PCDHA8: variants seen among roughly 807,000 people sequenced by gnomAD.
PCDHA8 encodes protocadherin alpha-8.
A neutral mutation model predicts 61.8 loss-of-function variants in PCDHA8; 53 were observed. The observed-to-expected ratio is 0.86, with a 90% confidence interval of 0.69 to 1.08. The LOEUF (loss-of-function observed/expected upper bound fraction) is 1.08. PCDHA8 is among the 50% of genes least tolerant of loss of function. The pLI is 0.00. For missense variants in PCDHA8, 1,293 were observed against 1,245.0 expected (o/e 1.04, Z -0.58); for synonymous variants, 618 against 556.6 (o/e 1.11, Z -1.55).
chr5:140,982,373 T>C, intron 2 of PCDHA8, 102 bp from the exon 3 acceptor site: 1 of 1,559,640 alleles, frequency 6.4e-7, no homozygotes, highest in Non-Finnish European at 8.7e-7. Context: ...ATGTGTTAGC[T>C]GCAGCCCTGG....
In PCDHA8 at chr5:140,843,272, G is replaced by T; in HGVS notation, c.1951G>T (p.Val651Leu). ...DSPRHRLLVL[V>L]KDHGEPALTA... ...TCCGCGCCACCGTCTGCTGGTCCTG[G>T]TGAAGGATCATGGTGAACCTGCGCT... is the stretch of plus-strand genomic sequence containing the variant. The change falls in exon 1 of 4, where the codon GTG becomes TTG. Residue 651 changes from valine to leucine, a missense_variant. Val to Leu is a conservative substitution (Grantham distance 32). Coordinates refer to ENST00000531613, the MANE Select transcript of PCDHA8 (RefSeq NM_018911.3). 1 of 1,596,120 alleles carries T rather than the reference G, an allele frequency of 6.3e-7. No individual in the cohort carries two copies. The highest frequency in any genetic ancestry group is 8.6e-7 in the Non-Finnish European group (1 of 1,165,606).
chr5:140,964,139 A>G (rs1396740282), intron 1 of PCDHA8, among the ~76,000 whole-genome samples: 1 of 152,242 alleles, frequency 6.6e-6, no homozygotes, highest in Non-Finnish European at 1.5e-5. Flanking sequence ...TAAGGTTGGC[A>G]GGAGCCTCAG....
At chr5:140,994,065 T>A (rs1563596985) in intron 3 of PCDHA8, among the ~76,000 whole-genome samples, 1 of 152,092 alleles carries the variant, frequency 6.6e-6, no homozygotes, top group Non-Finnish European at 1.5e-5. Context: ...ATAAATCTAA[T>A]GGTGAAGGGA....
At chr5:140,927,072 C>A in intron 1 of PCDHA8, 2 of 1,610,790 alleles carry the variant, frequency 1.2e-6, no homozygotes, top group Non-Finnish European at 1.7e-6. Flanking sequence ...TCCTTTCCAG[C>A]CACCGCGAGC....
chr5:140,993,256 A>C lies in PCDHA8; in HGVS notation c.2542+10693A>C, dbSNP rs1419636248. Among the ~76,000 whole-genome samples, 3 of 152,148 alleles carry C rather than the reference A, an allele frequency of 2.0e-5. No homozygotes were observed. In the East Asian group the frequency reaches 5.8e-4, roughly 29 times the overall value. On this transcript the variant is annotated intron_variant, in intron 3 of 3. Coordinates refer to ENST00000531613, the MANE Select transcript of PCDHA8 (RefSeq NM_018911.3). The stretch of plus-strand genomic sequence containing the variant: ...CTGAATCTGGGGATTTAGATATATA[A>C]ATTAGCTTCTTTGGTCTTTTCTTGC...
In PCDHA8 at chr5:140,862,815, G is replaced by C. The variant is rs781964079; in HGVS notation, c.2394+19100G>C. 7 of 574,804 alleles carry C rather than the reference G, an allele frequency of 1.2e-5. No individual in the cohort carries two copies. The African/African-American group carries it at 1.3e-4, about 11-fold the overall frequency. The allele number at this position is 574,804 out of a possible 1,614,324, so 35.6% of individuals were successfully genotyped here. A position where few individuals can be genotyped will look rare whatever the true frequency, so the allele number is the denominator to read the frequency against. ...AGGAGCTGGAGCTGCTGCAGTTCTA[G>C]GTGAGAGCGCGCGACGCGGGCATGC... is the stretch of plus-strand genomic sequence containing the variant. On this transcript the variant is annotated intron_variant, in intron 1 of 3. Coordinates refer to ENST00000531613, the MANE Select transcript of PCDHA8 (RefSeq NM_018911.3).
intron 1 of PCDHA8, among the ~76,000 whole-genome samples, chr5:140,963,754 T>C (rs190216638): frequency 2.3e-4 from 35 of 152,374 alleles, no homozygotes; most frequent in Admixed American, 7.2e-4. Flanking sequence ...TGATAATAAA[T>C]TGTTGTATTT....
intron 1 of PCDHA8, among the ~76,000 whole-genome samples, chr5:140,951,224 A>G (rs539647356): frequency 3.2e-4 from 49 of 151,938 alleles, no homozygotes; most frequent in Non-Finnish European, 6.9e-4. Context: ...TGGATTCTTG[A>G]TGGTCTTTAC....
chr5:140,871,223 C>G (rs1009797322), intron 1 of PCDHA8: 6 of 1,613,892 alleles, frequency 3.7e-6, no homozygotes, highest in Non-Finnish European at 3.4e-6. Context: ...TGCGTGGTGT[C>G]CAGCCTCCTG....
intron 1 of PCDHA8, chr5:140,883,975 G>A (rs1167945773): frequency 1.2e-6 from 2 of 1,612,842 alleles, no homozygotes; most frequent in African/African-American, 2.7e-5. Flanking sequence ...TGACGCCCGG[G>A]GCTGGCAGCG....
intron 1 of PCDHA8, chr5:140,927,596 G>A (rs374002981): frequency 2.5e-6 from 4 of 1,614,044 alleles, no homozygotes; most frequent in African/African-American, 2.7e-5. Context: ...GTATTTGAGC[G>A]CTCCGTATAC....
intron 1 of PCDHA8, chr5:140,865,199 T>C (rs776546973): frequency 1.2e-4 from 18 of 152,246 alleles, no homozygotes; most frequent in Admixed American, 9.2e-4. Context: ...ACCATATTAA[T>C]GTGAATTGCT....
Position 140,843,364 on chromosome 5 carries a change from G to A in PCDHA8, c.2043G>A (p.Arg681=). 3.1e-6 allele frequency: 5 copies of A among 1,596,132 alleles called. No individual in the cohort carries two copies. The highest frequency in any genetic ancestry group is 4.3e-6 in the Non-Finnish European group (5 of 1,165,608). Residue 681 remains arginine (R), a synonymous_variant, in exon 1 of 4, where the codon AGG becomes AGA. Transcript: ENST00000531613. ...ESGQAPKASS[R]QSAGVLGPEA... ...GCCAGGCTCCAAAAGCGTCATCGAG[G>A]CAGTCGGCTGGCGTTTTGGGTCCGG...
Position 140,851,725 on chromosome 5 carries a change from G to A in PCDHA8, c.2394+8010G>A. On this transcript the variant is annotated intron_variant, in intron 1 of 3. Coordinates refer to ENST00000531613, the MANE Select transcript of PCDHA8 (RefSeq NM_018911.3). The stretch of plus-strand genomic sequence containing the variant: ...GCCATGTGAAGATTCGAAACTTCGA[G>A]TTCTTTTGAAATTCAGAGTCTGTAA... 2.1e-6 allele frequency: 2 copies of A among 968,614 alleles called. 1 individual carries two copies. The highest frequency in any genetic ancestry group is 9.6e-5 in the South Asian group (2 of 20,926). The allele number at this position is 968,614 out of a possible 1,614,324, so 60.0% of individuals were successfully genotyped here.
intron 3 of PCDHA8, among the ~76,000 whole-genome samples, chr5:140,988,079 G>A (rs1431334458): frequency 6.6e-6 from 1 of 152,188 alleles, no homozygotes; most frequent in Non-Finnish European, 1.5e-5. Flanking sequence ...TATTTCATGA[G>A]TGAGTGCAGC....
At chr5:141,005,650 C>T (rs1262025643) in intron 3 of PCDHA8, among the ~76,000 whole-genome samples, 4 of 126,784 alleles carry the variant, frequency 3.2e-5, no homozygotes, top group African/African-American at 9.3e-5. Context: ...TGCAGTGAGT[C>T]GAGATCGCGC....
At position 141,010,449 on chromosome 5, in the gene PCDHA8, C is replaced by T. The variant is rs764975082; in HGVS notation, c.*512C>T. ...CAAGAAAACAAAGACAAATAAACAG[C>T]GGAAGTTATCAGTATGGAGGGGAAG... On this transcript the variant is annotated 3_prime_UTR_variant, in exon 4 of 4. Coordinates refer to ENST00000531613, the MANE Select transcript of PCDHA8 (RefSeq NM_018911.3). 14 of 915,348 alleles carry T rather than the reference C, an allele frequency of 1.5e-5. No homozygotes were observed. Among genetic ancestry groups the T allele is most frequent in the Non-Finnish European group, 2.1e-5 (13 of 631,774 alleles). 56.7% of individuals were successfully genotyped at this position (915,348 alleles called of 1,614,324 possible).
rs2150318076 is a variant in PCDHA8, at chr5:140,841,554, G to A, written c.233G>A (p.Ser78Asn). 0.54 allele frequency: 859,933 copies of A among 1,603,294 alleles called. 234,437 individuals carry two copies. Among genetic ancestry groups the A allele is most frequent in the African/African-American group, 0.71 (53,267 of 74,590 alleles). Reference protein sequence around the residue: ...SKRHRDLLEVSLQNGILFVNS... With the variant: ...SKRHRDLLEVNLQNGILFVNS... ...AGACACCGGGACCTTCTGGAGGTAA[G>A]TCTGCAGAATGGCATTTTGTTTGTG... is the stretch of plus-strand genomic sequence containing the variant. The change falls in exon 1 of 4, where the codon AGT becomes AAT. Residue 78 changes from serine to asparagine, a missense_variant. Ser to Asn is a conservative substitution (Grantham distance 46). Transcript: ENST00000531613.
intron 1 of PCDHA8, chr5:140,878,013 G>A (rs1554170262): frequency 2.4e-6 from 2 of 839,000 alleles, no homozygotes; most frequent in South Asian, 2.6e-5. Context: ...TAACATTAAT[G>A]AAGGAAATAT....
Sources: allele counts gnomAD v4.1 joint callset (sites outside exome capture counted in the v4.1 genomes callset), GRCh38; gene constraint gnomAD v4.1.1; transcripts MANE v1.5; gene names NCBI Gene and HGNC (gene_info 2026-07-23, HGNC 2026-07-21).